SLC24A2: variants seen among roughly 807,000 people sequenced by gnomAD.
SLC24A2 encodes solute carrier family 24 member 2.
SLC24A2 carries 36 observed loss-of-function variants against 62.0 expected under a neutral mutation model. The ratio of observed to expected loss-of-function variants is 0.58; its 90% confidence interval spans 0.44 to 0.77. The LOEUF is 0.77. Ranked by LOEUF, SLC24A2 falls within the 30% of genes least tolerant of loss-of-function variation. The probability of loss-of-function intolerance (pLI) is 0.00; values close to 1 mark genes in which losing one functional copy is unlikely to be tolerated. For synonymous variants in SLC24A2, 358 were observed against 294.0 expected (o/e 1.22, Z -2.23); for missense variants, 846 against 817.9 (o/e 1.03, Z -0.42).
chr9:19,715,374 T>C (rs1820829015), intron 2 of SLC24A2, among the ~76,000 whole-genome samples: 1 of 152,182 alleles, frequency 6.6e-6, no homozygotes, highest in Non-Finnish European at 1.5e-5. Flanking sequence ...CATAATTGCC[T>C]AGCTGGAGAG....
the SLC24A2 span, among the ~76,000 whole-genome samples, chr9:19,975,377 A>C: frequency 6.6e-6 from 1 of 152,294 alleles, no homozygotes; most frequent in Admixed American, 6.5e-5. Flanking sequence ...CTGCTACATG[A>C]ATTCTTCCAT....
At chr9:19,859,945 T>G in the SLC24A2 span, among the ~76,000 whole-genome samples, 2 of 152,150 alleles carry the variant, frequency 1.3e-5, no homozygotes, top group Non-Finnish European at 2.9e-5. Flanking sequence ...CATCAGAACT[T>G]AAGTTCCTAC....
At chr9:20,008,967 A>C in the SLC24A2 span, among the ~76,000 whole-genome samples, 89 of 152,338 alleles carry the variant, frequency 5.8e-4, 2 homozygotes, top group African/African-American at 2.0e-3. Context: ...AGAACTCAGG[A>C]GTGAGGCTGA....
At chr9:19,729,050 T>C (rs1821257219) in intron 2 of SLC24A2, among the ~76,000 whole-genome samples, 1 of 152,122 alleles carries the variant, frequency 6.6e-6, no homozygotes, top group South Asian at 2.1e-4. Context: ...AAATAGTAAA[T>C]GTCTGGTGCA....
the SLC24A2 span, among the ~76,000 whole-genome samples, chr9:19,932,477 A>T: frequency 1.3e-5 from 2 of 152,230 alleles, no homozygotes; most frequent in African/African-American, 2.4e-5. Context: ...AAAAAAACCA[A>T]GGTGGGGAAA....
chr9:19,525,322 T>C (rs1202889683), intron 9 of SLC24A2, among the ~76,000 whole-genome samples: 3 of 150,880 alleles, frequency 2.0e-5, no homozygotes, highest in African/African-American at 7.3e-5. Flanking sequence ...ATGCTTTACA[T>C]AGAGTAAAAC....
chr9:20,206,723 C>T, the SLC24A2 span, among the ~76,000 whole-genome samples: 1 of 152,196 alleles, frequency 6.6e-6, no homozygotes, highest in South Asian at 2.1e-4. Flanking sequence ...TCATGATCTG[C>T]TCGCCTCAGC....
intron 7 of SLC24A2, among the ~76,000 whole-genome samples, chr9:19,560,912 TATATAGAGAGAGAGAGAGAG>T (rs1370357873): frequency 1.0e-4 from 5 of 50,108 alleles, no homozygotes; most frequent in African/African-American, 3.7e-4. Flanking sequence ...TATATATATA[TATATAGAGAGAGAGAGAGAG>T]AGAGAGAGAG....
intron 4 of SLC24A2, among the ~76,000 whole-genome samples, chr9:19,598,494 C>G (rs771423394): frequency 6.6e-6 from 1 of 152,022 alleles, no homozygotes; most frequent in Non-Finnish European, 1.5e-5. Flanking sequence ...TACGCCAGCA[C>G]AAAATTATAT....
chr9:20,045,297 G>C, the SLC24A2 span, among the ~76,000 whole-genome samples: 35 of 152,278 alleles, frequency 2.3e-4, no homozygotes, highest in East Asian at 4.4e-3. Context: ...ATTTCTCAGA[G>C]AGCGTGTACA....
chr9:19,761,451 A>G (rs1227169737), intron 2 of SLC24A2, among the ~76,000 whole-genome samples: 1 of 148,876 alleles, frequency 6.7e-6, no homozygotes, highest in Non-Finnish European at 1.5e-5. Context: ...GGTTGCATAA[A>G]TGTCATTTTT....
intron 2 of SLC24A2, among the ~76,000 whole-genome samples, chr9:19,784,642 G>T (rs1231989543): frequency 6.6e-6 from 1 of 152,176 alleles, no homozygotes; most frequent in Non-Finnish European, 1.5e-5. Context: ...GAGTAGGGGA[G>T]AACTTCCAAT....
chr9:20,228,875 T>C, the SLC24A2 span, among the ~76,000 whole-genome samples: 5 of 151,942 alleles, frequency 3.3e-5, no homozygotes, highest in African/African-American at 1.2e-4. Flanking sequence ...CAGACACTGG[T>C]AAATGGAGGG....
At chr9:20,175,897 A>G in the SLC24A2 span, among the ~76,000 whole-genome samples, 1 of 152,054 alleles carries the variant, frequency 6.6e-6, no homozygotes, top group Non-Finnish European at 1.5e-5. Flanking sequence ...CTGAAGGTTT[A>G]AGAAGCTTTG....
chr9:20,258,361 G>A, the SLC24A2 span, among the ~76,000 whole-genome samples: 1 of 152,208 alleles, frequency 6.6e-6, no homozygotes, highest in Non-Finnish European at 1.5e-5. Context: ...GAATGATTGG[G>A]CTGCCCCAGG....
Position 19,535,367 on chromosome 9 carries a change from G to T in SLC24A2, c.1480-7229C>A, listed in dbSNP as rs200906702. 9.9e-5 allele frequency among the ~76,000 whole-genome samples: 15 copies of T among 152,178 alleles called. 1 individual carries two copies. The highest frequency in any genetic ancestry group is 3.6e-4 in the African/African-American group (15 of 41,520). ...AGCTCTTTAGTTTAATGAGATCCCA[G>T]TTGCCAATTTTGGCTTTTGTTGCCA... On this transcript the variant is annotated intron_variant, in intron 8 of 10. Coordinates refer to ENST00000341998, the MANE Select transcript of SLC24A2 (RefSeq NM_020344.4).
the SLC24A2 span, among the ~76,000 whole-genome samples, chr9:19,837,597 G>T: frequency 6.7e-6 from 1 of 150,204 alleles, no homozygotes; most frequent in Admixed American, 6.7e-5. Flanking sequence ...GAAATAAAGG[G>T]TATTCAATTA....
chr9:20,209,339 T>C, the SLC24A2 span, among the ~76,000 whole-genome samples: 1 of 152,218 alleles, frequency 6.6e-6, no homozygotes, highest in East Asian at 1.9e-4. Context: ...TTTTATGAAA[T>C]TCTAGCCAAA....
intron 8 of SLC24A2, among the ~76,000 whole-genome samples, chr9:19,546,487 C>A (rs1035008728): frequency 1.3e-5 from 2 of 152,144 alleles, no homozygotes. Context: ...TTTACACTGT[C>A]AGGGTAAAAC....
Sources: gnomAD v4.1 joint callset for allele counts (sites outside exome capture counted in the v4.1 genomes callset) on GRCh38, gnomAD v4.1.1 for gene constraint, MANE v1.5 for transcripts, NCBI Gene and HGNC (gene_info 2026-07-23, HGNC 2026-07-21) for gene names.